The following MLYCD variants were observed in gnomAD, a reference collection of about 807,000 sequenced individuals.
MLYCD encodes malonyl-CoA decarboxylase.
MLYCD carries 27 observed loss-of-function variants against 35.8 expected under a neutral mutation model. That is an observed-to-expected ratio of 0.75 (90% CI 0.56 to 1.04). MLYCD has a LOEUF of 1.04. MLYCD is among the 50% of genes least tolerant of loss of function. The pLI is 0.00. For synonymous variants in MLYCD, 403 were observed against 302.4 expected (o/e 1.33, Z -3.45); for missense variants, 917 against 665.1 (o/e 1.38, Z -4.17).
intron 3 of MLYCD, among the ~76,000 whole-genome samples, chr16:83,908,604 T>C (rs890122888): frequency 6.6e-6 from 1 of 152,240 alleles, no homozygotes; most frequent in African/African-American, 2.4e-5. Flanking sequence ...GATACCTGAT[T>C]CATACATAGT....
Position 83,899,534 on chromosome 16 carries a change from C to T in MLYCD, c.390C>T (p.Arg130=), listed in dbSNP as rs576894870. 8 of 1,591,120 alleles carry T rather than the reference C, an allele frequency of 5.0e-6. No homozygotes were observed. In the African/African-American group the frequency reaches 9.5e-5, roughly 19 times the overall value. ...TGCTGCAGGCCGAGGACCGGCTGCG[C>T]TACGCGCTGGTGCCGCGCTATCGCG... ...AVLLQAEDRL[R]YALVPRYRGL... is the part of the protein sequence containing the mutation. The change falls in exon 1 of 5, where the codon CGC becomes CGT. Residue 130 remains arginine, a synonymous_variant. Transcript: ENST00000262430.
intron 3 of MLYCD, chr16:83,911,971 G>A: frequency 1.9e-6 from 1 of 529,880 alleles, no homozygotes; most frequent in South Asian, 2.0e-5. Context: ...AACAAAGTTT[G>A]CATGAAAATT....
At chr16:83,906,740 C>A (rs1390710713) in intron 1 of MLYCD, among the ~76,000 whole-genome samples, 1 of 140,902 alleles carries the variant, frequency 7.1e-6, no homozygotes, top group Non-Finnish European at 1.5e-5. Context: ...TGAATTGTTT[C>A]CTTCAGAGGT....
At position 83,908,158 on chromosome 16, in the gene MLYCD, T is replaced by A; in HGVS notation, c.674T>A (p.Met225Lys). 6.2e-7 allele frequency: 1 copy of A among 1,614,234 alleles called. No individual in the cohort carries two copies. The highest frequency in any genetic ancestry group is 8.5e-7 in the Non-Finnish European group (1 of 1,180,040). The change falls in exon 3 of 5, where the codon ATG (methionine) becomes AAG (lysine). Residue 225 changes from methionine to lysine, a missense_variant. Transcript: ENST00000262430. ...GCTGTGCATCCTGTAAAAAACTGGA[T>A]GGACATGAAGCGCCGCGTTGGGCCC... is the stretch of plus-strand genomic sequence containing the variant. ...AEAVHPVKNW[M>K]DMKRRVGPYR...
chr16:83,912,142 C>T lies in MLYCD; in HGVS notation c.799-76C>T, dbSNP rs894061134. The T allele has an allele frequency of 2.2e-5, 35 of 1,593,956 alleles. 1 individual carries two copies. The highest frequency in any genetic ancestry group is 1.3e-4 in the Admixed American group (8 of 59,966). On this transcript the variant is annotated intron_variant, in intron 3 of 4. Coordinates refer to ENST00000262430, the MANE Select transcript of MLYCD (RefSeq NM_012213.3). The stretch of plus-strand genomic sequence containing the variant: ...TTCAGTGCTCTGAGAATTGTCTTCT[C>T]GTCCCAGCAACAGGCTTGCCTCGTG...
At position 83,915,367 on chromosome 16, in the gene MLYCD, T is replaced by C. The variant is rs757850508; in HGVS notation, c.1360T>C (p.Tyr454His). The C allele has an allele frequency of 1.9e-6, 3 of 1,613,802 alleles. No individual in the cohort carries two copies. The highest frequency in any genetic ancestry group is 2.5e-6 in the Non-Finnish European group (3 of 1,180,036). Reference protein sequence around the residue: ...ITGSCGLMANYRYFLEETGPN... With the variant: ...ITGSCGLMANHRYFLEETGPN... Reference sequence around the variant, plus strand: ...CGGCTCCTGCGGCCTGATGGCCAACTACCGCTACTTCCTGGAGGAGACGGG... The same window carrying C: ...CGGCTCCTGCGGCCTGATGGCCAACCACCGCTACTTCCTGGAGGAGACGGG... The change falls in exon 5 of 5, where the codon TAC becomes CAC. Residue 454 changes from tyrosine (Y) to histidine (H), a missense_variant. Transcript: ENST00000262430.
chr16:83,925,593 T>A lies in MLYCD; in HGVS notation c.*10104T>A, dbSNP rs1354911377. ...CCTTTCCTACCTCCCACCATCCCCG[T>A]CACCCTCCCTGTCACACACAGCCCC... On this transcript the variant is annotated 3_prime_UTR_variant, in exon 5 of 5. Coordinates refer to ENST00000262430, the MANE Select transcript of MLYCD (RefSeq NM_012213.3). 2 of 152,392 alleles carry A rather than the reference T, an allele frequency of 1.3e-5. No homozygotes were observed. Among genetic ancestry groups the A allele is most frequent in the Non-Finnish European group, 2.9e-5 (2 of 68,146 alleles). 9.4% of individuals were successfully genotyped at this position (152,392 alleles called of 1,614,324 possible).
chr16:83,899,354 C>G lies in MLYCD; in HGVS notation c.210C>G (p.Asp70Glu), dbSNP rs1218846824. The change falls in exon 1 of 5, where the codon GAC becomes GAG. Residue 70 changes from aspartate to glutamate, a missense_variant. Transcript: ENST00000262430. ...TPAPAEGQCA[D>E]FVSFYGGLAE... is the part of the protein sequence containing the mutation. ...CGCCCGCCGAGGGTCAGTGCGCGGA[C>G]TTCGTGAGCTTCTACGGTGGGCTGG... 6.6e-7 allele frequency: 1 copy of G among 1,524,810 alleles called. No homozygotes were observed. The highest frequency in any genetic ancestry group is 8.7e-7 in the Non-Finnish European group (1 of 1,144,824). 94.5% of individuals were successfully genotyped at this position (1,524,810 alleles called of 1,614,324 possible). A position where few individuals can be genotyped will look rare whatever the true frequency, so the allele number is the denominator to read the frequency against.
rs1001728015 is a variant in MLYCD at position 83,917,215 on chromosome 16, GTC to G, written c.*1730_*1731del. 4 of 139,848 alleles carry G rather than the reference GTC, an allele frequency of 2.9e-5. No homozygotes were observed. Among genetic ancestry groups the G allele is most frequent in the African/African-American group, 9.2e-5 (3 of 32,574 alleles). The allele number at this position is 139,848 out of a possible 1,614,324, so 8.7% of individuals were successfully genotyped here. A position where few individuals can be genotyped will look rare whatever the true frequency, so the allele number is the denominator to read the frequency against. Reference sequence around the variant, plus strand: ...AGTGCACGTCTGTGTGTGCACGAGCGTCTCTGTGTGGATCAGTGCACGTCTGT... The same window carrying G: ...AGTGCACGTCTGTGTGTGCACGAGCGTCTGTGTGGATCAGTGCACGTCTGT... On this transcript the variant is annotated 3_prime_UTR_variant, in exon 5 of 5. Coordinates refer to ENST00000262430, the MANE Select transcript of MLYCD (RefSeq NM_012213.3).
intron 1 of MLYCD, among the ~76,000 whole-genome samples, chr16:83,904,837 A>G (rs987561945): frequency 1.4e-4 from 22 of 152,154 alleles, no homozygotes; most frequent in African/African-American, 4.1e-4. Context: ...CAGCTATTCA[A>G]AAGTTCCTCT....
At chr16:83,907,980 A>G (rs1455126205) in intron 2 of MLYCD, 146 bp from the exon 3 acceptor site, 1 of 1,039,396 alleles carries the variant, frequency 9.6e-7, no homozygotes, top group African/African-American at 1.6e-5. Flanking sequence ...TCTCATGAAA[A>G]TGACTTTCTT....
chr16:83,914,857 C>T (rs1907313837), intron 4 of MLYCD, 99 bp from the exon 5 acceptor site: 2 of 1,510,400 alleles, frequency 1.3e-6, no homozygotes, highest in African/African-American at 1.4e-5. Flanking sequence ...TACACAGCAG[C>T]ATGTGAGCCG....
rs1907350675 is a variant in MLYCD, at chr16:83,915,506, A to T, written c.*17A>T. ...AAGCTCTGACAGTAAACCTCTCCTA[A>T]AGCACAGGGCCCCGGCTAAGAAAAC... On this transcript the variant is annotated 3_prime_UTR_variant, in exon 5 of 5. Transcript: ENST00000262430. 1 of 1,607,468 alleles carries T rather than the reference A, an allele frequency of 6.2e-7. No homozygotes were observed. The highest frequency in any genetic ancestry group is 8.5e-7 in the Non-Finnish European group (1 of 1,179,898).
At position 83,918,357 on chromosome 16, in the gene MLYCD, G is replaced by C. The variant is rs964350978; in HGVS notation, c.*2868G>C. 6 of 145,736 alleles carry C rather than the reference G, an allele frequency of 4.1e-5. No homozygotes were observed. Among genetic ancestry groups the C allele is most frequent in the African/African-American group, 1.5e-4 (6 of 39,044 alleles). The allele number at this position is 145,736 out of a possible 1,614,324, so 9.0% of individuals were successfully genotyped here. A position where few individuals can be genotyped will look rare whatever the true frequency, so the allele number is the denominator to read the frequency against. ...AGGAGAACACGCACACGGTGCACAGGAGAACACGCACACATGTTGCACAGG... is the reference window on the plus strand; with the variant it reads ...AGGAGAACACGCACACGGTGCACAGCAGAACACGCACACATGTTGCACAGG... On this transcript the variant is annotated 3_prime_UTR_variant, in exon 5 of 5. Coordinates refer to ENST00000262430, the MANE Select transcript of MLYCD (RefSeq NM_012213.3).
chr16:83,900,948 T>C (rs1164984545), intron 1 of MLYCD, among the ~76,000 whole-genome samples: 1 of 152,240 alleles, frequency 6.6e-6, no homozygotes. Context: ...CTACGCTTTA[T>C]ATCACTGTCT....
intron 4 of MLYCD, chr16:83,913,387 C>T (rs901233011): frequency 6.6e-6 from 1 of 152,438 alleles, no homozygotes; most frequent in Non-Finnish European, 1.5e-5. Context: ...GGAGCAGATC[C>T]CGGGATTCGG....
In MLYCD at chr16:83,902,141, G is replaced by A. The variant is rs1385371416; in HGVS notation, c.528+2469G>A. 4.7e-5 allele frequency among the ~76,000 whole-genome samples: 6 copies of A among 128,826 alleles called. No homozygotes were observed. In the East Asian group the frequency reaches 1.1e-3, roughly 23 times the overall value. The allele number at this position is 128,826 out of a possible 152,430, so 84.5% of individuals were successfully genotyped here. Reference sequence around the variant, plus strand: ...TATATGTATGTGTATATGTGTGTGTGTGTGTGTGCGTGCGTATATATATAT... The same window carrying A: ...TATATGTATGTGTATATGTGTGTGTATGTGTGTGCGTGCGTATATATATAT... On this transcript the variant is annotated intron_variant, in intron 1 of 4. Transcript: ENST00000262430.
intron 3 of MLYCD, among the ~76,000 whole-genome samples, chr16:83,908,957 G>C (rs1471428645): frequency 6.6e-6 from 1 of 152,212 alleles, no homozygotes; most frequent in Non-Finnish European, 1.5e-5. Context: ...GACATGAGTG[G>C]CTGTTAGGAA....
rs745651086 is a variant in MLYCD, at chr16:83,915,092, A to G, written c.1085A>G (p.Glu362Gly). The change falls in exon 5 of 5, where the codon GAA becomes GGA. Residue 362 changes from glutamate (E) to glycine (G), a missense_variant. By Grantham distance (98) the Glu-to-Gly change is moderately conservative. Transcript: ENST00000262430. ...NELFTDSECK[E>G]ISEITGGPIN... The stretch of plus-strand genomic sequence containing the variant: ...CTCTTTACAGATTCGGAATGTAAGG[A>G]AATCTCGGAGATCACAGGTGGCCCC... 6 of 1,614,126 alleles carry G rather than the reference A, an allele frequency of 3.7e-6. No homozygotes were observed. The highest frequency in any genetic ancestry group is 5.1e-6 in the Non-Finnish European group (6 of 1,180,060).
Sources: allele counts gnomAD v4.1 joint callset (sites outside exome capture counted in the v4.1 genomes callset), GRCh38; gene constraint gnomAD v4.1.1; transcripts MANE v1.5; gene names NCBI Gene and HGNC (gene_info 2026-07-23, HGNC 2026-07-21).